COL4A3: variants seen among roughly 807,000 people sequenced by gnomAD.
COL4A3 encodes collagen type IV alpha 3 chain.
A neutral mutation model predicts 217.4 loss-of-function variants in COL4A3; 135 were observed. The ratio of observed to expected loss-of-function variants is 0.62; its 90% CI spans 0.54 to 0.72. The LOEUF (loss-of-function observed/expected upper bound fraction) is 0.72, where lower values mean the gene tolerates loss of function less well. Ranked by LOEUF, COL4A3 falls within the 30% of genes least tolerant of loss-of-function variation. The probability of loss-of-function intolerance (pLI) is 0.00; values close to 1 mark genes in which losing one functional copy is unlikely to be tolerated. For missense variants in COL4A3, 1,868 were observed against 2,119.9 expected, an observed-to-expected ratio of 0.88 and a Z score of 2.33; for synonymous variants, 690 against 736.3, an observed-to-expected ratio of 0.94 and a Z score of 1.02.
chr2:227,179,438 A>T (rs2125667378), intron 1 of COL4A3, among the ~76,000 whole-genome samples: 1 of 152,346 alleles, frequency 6.6e-6, no homozygotes, highest in African/African-American at 2.4e-5. Context: ...TTGACTCTGC[A>T]ATCTAAAAAT....
intron 1 of COL4A3, among the ~76,000 whole-genome samples, chr2:227,165,289 T>C (rs1459675426): frequency 6.6e-6 from 1 of 152,104 alleles, no homozygotes; most frequent in Non-Finnish European, 1.5e-5. Flanking sequence ...AACCCTGACC[T>C]CTCTGGGGCT....
At chr2:227,233,580 A>G (rs1022672098) in intron 1 of COL4A3, among the ~76,000 whole-genome samples, 2 of 152,230 alleles carry the variant, frequency 1.3e-5, no homozygotes, top group Non-Finnish European at 2.9e-5. Context: ...CTCAGCTATC[A>G]TATAGAAATT....
In COL4A3 at chr2:227,282,640, A is replaced by G; in HGVS notation, c.2656+108A>G. 4.7e-6 allele frequency: 5 copies of G among 1,053,716 alleles called. No individual in the cohort carries two copies. Among genetic ancestry groups the G allele is most frequent in the South Asian group, 1.4e-5 (1 of 72,082 alleles). The allele number at this position is 1,053,716 out of a possible 1,614,324, so 65.3% of individuals were successfully genotyped here. The stretch of plus-strand genomic sequence containing the variant: ...TTTTTACTCTATGCTTTTACTTAAT[A>G]TAAGGTTTTCCTTCTAAATTATTTG... On this transcript the variant is annotated intron_variant, in intron 32 of 51. Coordinates refer to ENST00000396578, the MANE Select transcript of COL4A3 (RefSeq NM_000091.5). This position sits in a 1 kb window ranked among gnomAD's most constrained non-coding sequence, Gnocchi z 4.4.
chr2:227,195,836 G>C (rs1372483868), intron 1 of COL4A3, among the ~76,000 whole-genome samples: 1 of 151,686 alleles, frequency 6.6e-6, no homozygotes, highest in Non-Finnish European at 1.5e-5. Flanking sequence ...GGTGGAGATG[G>C]AAGACAGTAG....
chr2:227,217,952 A>C, intron 1 of COL4A3, among the ~76,000 whole-genome samples: 1 of 150,736 alleles, frequency 6.6e-6, no homozygotes, highest in Admixed American at 6.7e-5. Context: ...GGCAGAAGAC[A>C]CTCTCAGCAT....
At chr2:227,241,049 T>C (rs1313292347) in intron 3 of COL4A3, among the ~76,000 whole-genome samples, 2 of 152,184 alleles carry the variant, frequency 1.3e-5, no homozygotes, top group African/African-American at 4.8e-5. Flanking sequence ...CCTTTGTGGG[T>C]TTCTCTTTTC....
At chr2:227,195,654 C>CATAT (rs113636594) in intron 1 of COL4A3, among the ~76,000 whole-genome samples, 4 of 143,096 alleles carry the variant, frequency 2.8e-5, no homozygotes, top group African/African-American at 7.9e-5. Flanking sequence ...GTCTATGCCA[C>CATAT]ATATATATAT....
At chr2:227,283,370 A>G (rs914862160) in intron 32 of COL4A3, among the ~76,000 whole-genome samples, 1 of 152,210 alleles carries the variant, frequency 6.6e-6, no homozygotes, top group African/African-American at 2.4e-5. Context: ...CACATCAGTC[A>G]GTGGACAAGT....
At chr2:227,255,707 G>A (rs933820853) in intron 15 of COL4A3, among the ~76,000 whole-genome samples, 1 of 151,988 alleles carries the variant, frequency 6.6e-6, no homozygotes, top group Non-Finnish European at 1.5e-5. Flanking sequence ...TGCCCAGTGT[G>A]TGTGTGTTTT....
intron 1 of COL4A3, chr2:227,222,235 C>T (rs2067848422): frequency 6.6e-6 from 1 of 151,958 alleles, no homozygotes; most frequent in African/African-American, 2.4e-5. Flanking sequence ...TGCAGTCCTT[C>T]AGCCCCCTGC....
intron 1 of COL4A3, among the ~76,000 whole-genome samples, chr2:227,217,844 T>G: frequency 6.6e-6 from 1 of 151,972 alleles, no homozygotes; most frequent in African/African-American, 2.4e-5. Flanking sequence ...AGTAATGAAA[T>G]TTGGAGGCCT....
At chr2:227,300,746 G>A (rs1249885951) in intron 43 of COL4A3, among the ~76,000 whole-genome samples, 1 of 152,210 alleles carries the variant, frequency 6.6e-6, no homozygotes, top group East Asian at 1.9e-4. Context: ...GAAGAATGCA[G>A]GGGGCTGTGG....
intron 1 of COL4A3, among the ~76,000 whole-genome samples, chr2:227,184,927 A>T (rs2065975213): frequency 1.1e-5 from 1 of 93,946 alleles, no homozygotes; most frequent in Admixed American, 1.7e-4. Context: ...TTTGAGATGG[A>T]GTCTCACTCT....
intron 44 of COL4A3, 70 bp downstream of exon 44, chr2:227,303,180 G>C: frequency 7.3e-7 from 1 of 1,367,052 alleles, no homozygotes; most frequent in South Asian, 1.2e-5. Flanking sequence ...GGGCACACAA[G>C]TGTTTGCTGA....
chr2:227,299,645 G>T (rs2073193185), intron 43 of COL4A3, among the ~76,000 whole-genome samples: 1 of 152,146 alleles, frequency 6.6e-6, no homozygotes, highest in Non-Finnish European at 1.5e-5. Context: ...CAGATCAGAT[G>T]GGCCTGGAGG....
chr2:227,260,892 A>T (rs2070515570), intron 19 of COL4A3, among the ~76,000 whole-genome samples, 190 bp from the exon 20 acceptor site: 1 of 152,228 alleles, frequency 6.6e-6, no homozygotes. Flanking sequence ...TTTGAGTGTT[A>T]GACTTCCAAG....
chr2:227,187,563 T>A (rs6436660), intron 1 of COL4A3, among the ~76,000 whole-genome samples: 25,885 of 152,072 alleles, frequency 0.17, 2,374 homozygotes, highest in Admixed American at 0.25. Context: ...CCTTAATAAT[T>A]GGATAAATAG....
intron 1 of COL4A3, among the ~76,000 whole-genome samples, chr2:227,170,631 A>T (rs530185272): frequency 2.0e-5 from 3 of 152,148 alleles, no homozygotes; most frequent in Admixed American, 2.0e-4. Context: ...TGGGAGCTAC[A>T]ATTCAAGATG....
intron 18 of COL4A3, 167 bp from the exon 19 acceptor site, chr2:227,259,626 A>G (rs2070415266): frequency 3.3e-6 from 2 of 603,198 alleles, no homozygotes; most frequent in Non-Finnish European, 5.9e-6. Flanking sequence ...AAATTTTTCC[A>G]CCTACATTTA....
Sources: allele counts gnomAD v4.1 joint callset (sites outside exome capture counted in the v4.1 genomes callset), GRCh38; gene constraint gnomAD v4.1.1; non-coding constraint Gnocchi (gnomAD v3.1); transcripts MANE v1.5; gene names NCBI Gene and HGNC (gene_info 2026-07-23, HGNC 2026-07-21).